The following RERE variants were observed in gnomAD, a reference collection of about 807,000 sequenced individuals.
The protein encoded by RERE is arginine-glutamic acid dipeptide repeats, also known as arginine-glutamic acid dipeptide repeats protein.
Under a neutral mutation model 146.1 loss-of-function variants are expected in RERE, and 40 were observed. The observed-to-expected ratio is 0.27, with a 90% CI of 0.21 to 0.36. The LOEUF is 0.36. Among genes scored for constraint, RERE ranks in the 10% least tolerant of loss-of-function variants. RERE has a pLI of 1.00. For missense variants in RERE, 1,933 were observed against 2,138.7 expected (o/e 0.90, Z 1.90); for synonymous variants, 1,003 against 866.0 (o/e 1.16, Z -2.78).
chr1:8,355,180 G>A, intron 22 of RERE, 60 bp from the exon 23 acceptor site: 6 of 1,558,876 alleles, frequency 3.8e-6, no homozygotes, highest in Non-Finnish European at 5.3e-6. Context: ...AGTCACGCAG[G>A]CTGGAGGCAA....
intron 10 of RERE, among the ~76,000 whole-genome samples, chr1:8,468,174 T>C (rs1644628494): frequency 6.6e-6 from 1 of 152,166 alleles, no homozygotes; most frequent in Non-Finnish European, 1.5e-5. Flanking sequence ...TGAATAAATA[T>C]TAACTTATTT....
chr1:8,414,070 A>AAAG (rs1390482263), intron 12 of RERE, among the ~76,000 whole-genome samples: 2 of 149,946 alleles, frequency 1.3e-5, no homozygotes, highest in Middle Eastern at 3.2e-3. Context: ...AAAAAAAAAA[A>AAAG]AAAGAAATGA....
At chr1:8,804,878 TATTTTTGGTTTC>T (rs954997538) in intron 1 of RERE, among the ~76,000 whole-genome samples, 7 of 152,224 alleles carry the variant, frequency 4.6e-5, no homozygotes, top group African/African-American at 1.4e-4. Context: ...AAGCCATTGT[TATTTTTGGTTTC>T]TACCACTCAC....
chr1:8,769,672 T>TG (rs1010467222), intron 1 of RERE, among the ~76,000 whole-genome samples: 2 of 152,168 alleles, frequency 1.3e-5, no homozygotes, highest in African/African-American at 4.8e-5. Context: ...TTTGTAGAGA[T>TG]GGGGTCTCTG....
chr1:8,408,942 C>T lies in RERE; in HGVS notation c.1284+13785G>A, dbSNP rs569650975. 5.9e-5 allele frequency among the ~76,000 whole-genome samples: 9 copies of T among 152,180 alleles called. No individual in the cohort carries two copies. In the East Asian group the frequency reaches 1.4e-3, roughly 23 times the overall value. ...GTCCCCCAAACAAGTCTAAATGTCCCGCAATGATTTGGGGGTAGGATGTGA... is the reference window on the plus strand; with the variant it reads ...GTCCCCCAAACAAGTCTAAATGTCCTGCAATGATTTGGGGGTAGGATGTGA... On this transcript the variant is annotated intron_variant, in intron 12 of 22. Coordinates refer to ENST00000400908, the MANE Select transcript of RERE (RefSeq NM_001042681.2).
chr1:8,500,762 G>A (rs1473775267), intron 8 of RERE, among the ~76,000 whole-genome samples: 4 of 152,052 alleles, frequency 2.6e-5, no homozygotes, highest in South Asian at 2.1e-4. Context: ...TCTAGGAAGC[G>A]AGGAGCGCCT....
intron 1 of RERE, among the ~76,000 whole-genome samples, chr1:8,768,734 AATACATGT>A (rs1640891738): frequency 6.6e-6 from 1 of 152,182 alleles, no homozygotes; most frequent in South Asian, 2.1e-4. Context: ...CTCACTTATG[AATACATGT>A]AACAACACCG....
intron 11 of RERE, among the ~76,000 whole-genome samples, chr1:8,438,984 A>G (rs913886425): frequency 6.6e-6 from 1 of 152,106 alleles, no homozygotes; most frequent in African/African-American, 2.4e-5. Context: ...AAAAAGGTCC[A>G]TTTCTGAGGC....
intron 1 of RERE, among the ~76,000 whole-genome samples, chr1:8,807,590 A>G (rs903909608): frequency 2.0e-5 from 3 of 152,174 alleles, no homozygotes; most frequent in Admixed American, 2.0e-4. Context: ...ATGGAACACT[A>G]ATCGGATTGG....
At chr1:8,543,382 C>T (rs1194944245) in intron 6 of RERE, among the ~76,000 whole-genome samples, 12 of 152,210 alleles carry the variant, frequency 7.9e-5, no homozygotes, top group Admixed American at 7.9e-4. Context: ...ATAACACCTA[C>T]TGCACTTATA....
At chr1:8,554,652 C>A (rs890096841) in intron 6 of RERE, among the ~76,000 whole-genome samples, 1 of 129,998 alleles carries the variant, frequency 7.7e-6, no homozygotes, top group Non-Finnish European at 1.5e-5. Context: ...GCACTCCAGG[C>A]TGGACAACAG....
intron 2 of RERE, among the ~76,000 whole-genome samples, chr1:8,632,638 G>A (rs191751244): frequency 6.6e-6 from 1 of 152,280 alleles, no homozygotes; most frequent in Admixed American, 6.5e-5. Context: ...ACTGTAGTCT[G>A]CAGTTCTCAG....
intron 12 of RERE, chr1:8,380,922 T>C (rs1287070049): frequency 2.2e-6 from 1 of 456,520 alleles, no homozygotes; most frequent in African/African-American, 2.0e-5. Flanking sequence ...GGAGCCTCCA[T>C]CTCCTACCAC....
chr1:8,355,395 C>A (rs1254478444), intron 22 of RERE, 24 bp downstream of exon 22: 1 of 1,609,284 alleles, frequency 6.2e-7, no homozygotes, highest in Non-Finnish European at 8.5e-7. Context: ...AACCCCTCCA[C>A]TCCCTCCCAG....
chr1:8,743,227 C>T (rs538698867), intron 1 of RERE, among the ~76,000 whole-genome samples: 1 of 152,026 alleles, frequency 6.6e-6, no homozygotes, highest in South Asian at 2.1e-4. Context: ...AAGACCCCAT[C>T]TCTACAAAAA....
At chr1:8,500,299 T>TC (rs1359885320) in intron 8 of RERE, among the ~76,000 whole-genome samples, 4 of 151,406 alleles carry the variant, frequency 2.6e-5, no homozygotes, top group South Asian at 2.1e-4. Context: ...AGGACCAACC[T>TC]CCCCCCCATT....
At chr1:8,379,944 G>A (rs531856301) in intron 12 of RERE, among the ~76,000 whole-genome samples, 135 of 152,336 alleles carry the variant, frequency 8.9e-4, no homozygotes, top group Middle Eastern at 6.8e-3. Context: ...ACTCACCACA[G>A]CACACCTTAG....
In RERE at chr1:8,805,007, G is replaced by GTTTTTTTTTTTTTTTTTTTTTTTTTT. The variant is rs1557553356; in HGVS notation, c.-145+12152_-145+12153insAAAAAAAAAAAAAAAAAAAAAAAAAA. On this transcript the variant is annotated intron_variant, in intron 1 of 22. Coordinates refer to ENST00000400908, the MANE Select transcript of RERE (RefSeq NM_001042681.2). The stretch of plus-strand genomic sequence containing the variant: ...ATTTTTTTTGTTTTGTTTTGTTTTT[G>GTTTTTTTTTTTTTTTTTTTTTTTTTT]GTTTTTTTTTTTTTTTTTTTTGAGA... Among the ~76,000 whole-genome samples the GTTTTTTTTTTTTTTTTTTTTTTTTTT allele has an allele frequency of 2.8e-4, 17 of 61,344 alleles. 2 individuals are homozygous for GTTTTTTTTTTTTTTTTTTTTTTTTTT. Among genetic ancestry groups the GTTTTTTTTTTTTTTTTTTTTTTTTTT allele is most frequent in the Non-Finnish European group, 3.8e-4 (12 of 31,884 alleles). The allele number at this position is 61,344 out of a possible 152,430, so 40.2% of individuals were successfully genotyped here.
intron 7 of RERE, among the ~76,000 whole-genome samples, chr1:8,524,291 A>G (rs1462252421): frequency 6.6e-6 from 1 of 152,110 alleles, no homozygotes; most frequent in African/African-American, 2.4e-5. Context: ...ATCCTTCTAC[A>G]ATTCATCTCC....
Sources: gnomAD v4.1 joint callset for allele counts (sites outside exome capture counted in the v4.1 genomes callset) on GRCh38, gnomAD v4.1.1 for gene constraint, MANE v1.5 for transcripts, NCBI Gene and HGNC (gene_info 2026-07-23, HGNC 2026-07-21) for gene names.